The following RAD51AP1 variants were observed in gnomAD, a reference collection of about 807,000 sequenced individuals.
RAD51AP1 encodes the protein RAD51-associated protein 1.
RAD51AP1 carries 14 observed loss-of-function variants against 34.3 expected under a neutral mutation model. That is an observed-to-expected ratio of 0.41 (90% CI 0.27 to 0.64). The LOEUF (loss-of-function observed/expected upper bound fraction) is 0.64, where lower values mean the gene tolerates loss of function less well. Among genes scored for constraint, RAD51AP1 ranks in the 30% least tolerant of loss-of-function variants. RAD51AP1 has a pLI of 0.33. For synonymous variants in RAD51AP1, 114 were observed against 129.8 expected (o/e 0.88, Z 0.83); for missense variants, 348 against 386.9 (o/e 0.90, Z 0.84).
intron 1 of RAD51AP1, among the ~76,000 whole-genome samples, chr12:4,540,935 A>G (rs1419432975): frequency 6.6e-6 from 1 of 152,246 alleles, no homozygotes; most frequent in Non-Finnish European, 1.5e-5. Flanking sequence ...TGAAAGAACA[A>G]CCAGCTGACA....
intron 4 of RAD51AP1, 81 bp from the exon 5 acceptor site, chr12:4,548,011 T>C: frequency 7.3e-7 from 1 of 1,367,180 alleles, no homozygotes; most frequent in Admixed American, 2.5e-5. Flanking sequence ...CTAAATGCTA[T>C]TACATTTTAG....
chr12:4,549,488 C>T lies in RAD51AP1; in HGVS notation c.556+652C>T, dbSNP rs1404802163. Among the ~76,000 whole-genome samples, 5 of 151,936 alleles carry T rather than the reference C, an allele frequency of 3.3e-5. No individual in the cohort carries two copies. In the East Asian group the frequency reaches 5.8e-4, roughly 18 times the overall value. ...ACAGATTTGCTCATCGTCACTTATT[C>T]GACTAATATTTGAATGCTTTTTATG... On this transcript the variant is annotated intron_variant, in intron 6 of 8. Coordinates refer to ENST00000352618, the MANE Select transcript of RAD51AP1 (RefSeq NM_006479.5).
chr12:4,548,823 A>C lies in RAD51AP1; in HGVS notation c.543A>C (p.Pro181=). ...SDGDSANDTE[P]DFAPGEDSED... Reference sequence around the variant, plus strand: ...GTGATAGTGCTAATGACACTGAACCAGACTTTGCACCTGGTAGGTTTTATT... The same window carrying C: ...GTGATAGTGCTAATGACACTGAACCCGACTTTGCACCTGGTAGGTTTTATT... The change falls in exon 6 of 9, where the codon CCA becomes CCC. Residue 181 remains proline (P), a synonymous_variant. Coordinates refer to ENST00000352618, the MANE Select transcript of RAD51AP1 (RefSeq NM_006479.5). The C allele has an allele frequency of 6.2e-7, 1 of 1,613,020 alleles. No individual in the cohort carries two copies. Among genetic ancestry groups the C allele is most frequent in the Non-Finnish European group, 8.5e-7 (1 of 1,179,678 alleles).
chr12:4,544,862 G>C (rs1360807220), intron 3 of RAD51AP1, among the ~76,000 whole-genome samples: 1 of 152,156 alleles, frequency 6.6e-6, no homozygotes, highest in Non-Finnish European at 1.5e-5. Context: ...TGAGGGCAAT[G>C]CAAATCAAAA....
chr12:4,545,950 G>T, intron 3 of RAD51AP1: 1 of 1,212,874 alleles, frequency 8.2e-7, no homozygotes, highest in South Asian at 1.5e-5. Flanking sequence ...GAGTGGGTGA[G>T]GTCAAGGAAG....
In RAD51AP1 at chr12:4,546,468, G is replaced by C. The variant is rs749227684; in HGVS notation, c.319+50G>C. On this transcript the variant is annotated intron_variant, in intron 4 of 8. Transcript: ENST00000352618. ...GCTTTAAAACCTTCTTAATGCTTTT[G>C]TGATTATTTGTTTGGGTGGGCCTTC... The C allele has an allele frequency of 2.2e-6, 3 of 1,361,540 alleles. No individual in the cohort carries two copies. In the Admixed American group the frequency reaches 5.4e-5, roughly 25 times the overall value. 84.3% of individuals were successfully genotyped at this position (1,361,540 alleles called of 1,614,324 possible). A position where few individuals can be genotyped will look rare whatever the true frequency, so the allele number is the denominator to read the frequency against.
intron 7 of RAD51AP1, among the ~76,000 whole-genome samples, chr12:4,553,908 A>G (rs1412730923): frequency 6.6e-6 from 1 of 152,106 alleles, no homozygotes; most frequent in East Asian, 1.9e-4. Flanking sequence ...TAGTCTTTCC[A>G]TTTATTCATA....
chr12:4,545,836 A>G, intron 3 of RAD51AP1: 1 of 1,606,454 alleles, frequency 6.2e-7, no homozygotes, highest in Non-Finnish European at 8.5e-7. Flanking sequence ...GTACAAAGTA[A>G]GTGCTTGGTA....
At chr12:4,543,210 C>T (rs1325829066) in intron 2 of RAD51AP1, among the ~76,000 whole-genome samples, 2 of 152,114 alleles carry the variant, frequency 1.3e-5, no homozygotes, top group African/African-American at 2.4e-5. Flanking sequence ...TAGGTGTCCG[C>T]CACCATGCCT....
chr12:4,554,199 A>G (rs1194587324), intron 7 of RAD51AP1, among the ~76,000 whole-genome samples: 1 of 152,200 alleles, frequency 6.6e-6, no homozygotes, highest in African/African-American at 2.4e-5. Flanking sequence ...TGTCTTTTCT[A>G]GCTCCTTGAG....
intron 4 of RAD51AP1, 46 bp from the exon 5 acceptor site, chr12:4,548,046 T>C: frequency 6.6e-7 from 1 of 1,526,124 alleles, no homozygotes; most frequent in South Asian, 1.3e-5. Flanking sequence ...TATCTAGACA[T>C]TGATTAAGAT....
At chr12:4,542,377 GA>G (rs1171937136) in intron 2 of RAD51AP1, among the ~76,000 whole-genome samples, 1 of 152,186 alleles carries the variant, frequency 6.6e-6, no homozygotes, top group African/African-American at 2.4e-5. Context: ...TGCTATGATT[GA>G]AAAGTTTGAG....
At chr12:4,540,078 T>C (rs990232917) in intron 1 of RAD51AP1, among the ~76,000 whole-genome samples, 1 of 152,142 alleles carries the variant, frequency 6.6e-6, no homozygotes, top group Non-Finnish European at 1.5e-5. Flanking sequence ...TCGGAGGCAC[T>C]GTGGACAGAA....
At position 4,543,802 on chromosome 12, in the gene RAD51AP1, C is replaced by A. The variant is rs138157083; in HGVS notation, c.107C>A (p.Ser36Tyr). The change falls in exon 3 of 9, where the codon TCC becomes TAC. Residue 36 changes from serine (S) to tyrosine (Y), a missense_variant. Transcript: ENST00000352618. ...VSATVPLNKK[S>Y]RTAPKELKQD... ...GCAACTGTACCTTTAAACAAGAAAT[C>A]CAGAACAGCACCAAAGGAGTTAAAA... 2.5e-5 allele frequency: 41 copies of A among 1,610,928 alleles called. No homozygotes were observed. Among genetic ancestry groups the A allele is most frequent in the Middle Eastern group, 1.7e-4 (1 of 6,034 alleles).
intron 1 of RAD51AP1, among the ~76,000 whole-genome samples, chr12:4,541,639 A>G (rs1478938127): frequency 6.6e-6 from 1 of 152,186 alleles, no homozygotes; most frequent in Non-Finnish European, 1.5e-5. Flanking sequence ...TATTTTAGCT[A>G]ATGATAAATC....
At position 4,545,593 on chromosome 12, in the gene RAD51AP1, AAAAT is replaced by A. The variant is rs138642042; in HGVS notation, c.210-711_210-708del. 4.7e-3 allele frequency among the ~76,000 whole-genome samples: 719 copies of A among 152,366 alleles called. 10 individuals are homozygous for A. The highest frequency in any genetic ancestry group is 0.017 in the African/African-American group (691 of 41,580). The stretch of plus-strand genomic sequence containing the variant: ...ATCTTAAGAAAACTGTTATTCTAAA[AAAAT>A]AAATTCTTTAAGGTACATCTCAGTG... On this transcript the variant is annotated intron_variant, in intron 3 of 8. Transcript: ENST00000352618.
chr12:4,544,940 T>C (rs1197099056), intron 3 of RAD51AP1, among the ~76,000 whole-genome samples: 2 of 152,170 alleles, frequency 1.3e-5, no homozygotes, highest in Admixed American at 6.5e-5. Flanking sequence ...GTGGAGAAAT[T>C]TGAACCCTCA....
chr12:4,552,971 C>A lies in RAD51AP1; in HGVS notation c.557-12C>A. 6.4e-7 allele frequency: 1 copy of A among 1,557,622 alleles called. No individual in the cohort carries two copies. Among genetic ancestry groups the A allele is most frequent in the Non-Finnish European group, 8.6e-7 (1 of 1,157,830 alleles). The stretch of plus-strand genomic sequence containing the variant: ...TTAGAGCAAAGATGAACTATATAAT[C>A]TTCTGTTTTAGGTGAAGATTCTGAG... On this transcript the variant is annotated splice_polypyrimidine_tract_variant and intron_variant, in intron 6 of 8. Transcript: ENST00000352618.
At chr12:4,550,020 A>G (rs1032219794) in intron 6 of RAD51AP1, among the ~76,000 whole-genome samples, 3 of 152,242 alleles carry the variant, frequency 2.0e-5, no homozygotes, top group African/African-American at 7.2e-5. Flanking sequence ...AGAAAGGACC[A>G]TGTGTGACCT....
Sources: allele counts gnomAD v4.1 joint callset (sites outside exome capture counted in the v4.1 genomes callset), GRCh38; gene constraint gnomAD v4.1.1; transcripts MANE v1.5; gene names NCBI Gene and HGNC (gene_info 2026-07-23, HGNC 2026-07-21).